FMNL2: variants seen among roughly 807,000 people sequenced by gnomAD.
FMNL2 encodes formin-like protein 2.
Under a neutral mutation model 130.2 loss-of-function variants are expected in FMNL2, and 51 were observed. The ratio of observed to expected loss-of-function variants is 0.39; its 90% CI spans 0.31 to 0.49. The LOEUF is 0.49. Ranked by LOEUF, FMNL2 falls within the 20% of genes least tolerant of loss-of-function variation. The pLI, the probability that FMNL2 is intolerant of heterozygous loss-of-function variation, is 0.85. For synonymous variants in FMNL2, 465 were observed against 467.1 expected, an observed-to-expected ratio of 1.00 and a Z score of 0.06; for missense variants, 977 against 1,316.2, an observed-to-expected ratio of 0.74 and a Z score of 3.99.
At chr2:152,646,588 G>A (rs974057503) in intron 25 of FMNL2, among the ~76,000 whole-genome samples, 3 of 149,530 alleles carry the variant, frequency 2.0e-5, no homozygotes, top group Non-Finnish European at 4.4e-5. Flanking sequence ...TGTGCGGGGG[G>A]TGGGGGGGCA....
chr2:152,377,110 G>A (rs1372231464), intron 1 of FMNL2, among the ~76,000 whole-genome samples: 1 of 152,200 alleles, frequency 6.6e-6, no homozygotes, highest in Non-Finnish European at 1.5e-5. Flanking sequence ...ATTGTGGCAG[G>A]GATGAAATAT....
intron 25 of FMNL2, among the ~76,000 whole-genome samples, chr2:152,647,435 A>G (rs1430031874): frequency 6.6e-6 from 1 of 152,208 alleles, no homozygotes; most frequent in Non-Finnish European, 1.5e-5. Context: ...TGCAGTTACT[A>G]TTTATTCATT....
At chr2:152,434,027 C>T (rs374340169) in intron 1 of FMNL2, among the ~76,000 whole-genome samples, 86 of 152,236 alleles carry the variant, frequency 5.6e-4, no homozygotes, top group African/African-American at 1.9e-3. Context: ...TGAGTAGAAA[C>T]AGAAGGACAT....
chr2:152,623,367 C>T (rs562833145), intron 15 of FMNL2, among the ~76,000 whole-genome samples: 12 of 152,236 alleles, frequency 7.9e-5, no homozygotes, highest in East Asian at 3.9e-4. Flanking sequence ...TCCTGGGTAG[C>T]GTAGACAAAA....
intron 1 of FMNL2, among the ~76,000 whole-genome samples, chr2:152,392,105 C>T (rs1183784048): frequency 1.3e-5 from 2 of 151,978 alleles, no homozygotes; most frequent in African/African-American, 2.4e-5. Context: ...TCTACCTACC[C>T]AACATGGTAG....
At chr2:152,370,727 C>T (rs1438050519) in intron 1 of FMNL2, among the ~76,000 whole-genome samples, 3 of 152,166 alleles carry the variant, frequency 2.0e-5, no homozygotes, top group African/African-American at 7.2e-5. Flanking sequence ...GGAAATGCCA[C>T]ACTTTTATTT....
intron 1 of FMNL2, among the ~76,000 whole-genome samples, chr2:152,396,095 C>T (rs990245327): frequency 6.6e-6 from 1 of 152,150 alleles, no homozygotes; most frequent in Non-Finnish European, 1.5e-5. Context: ...TGTTTAATCA[C>T]GGCATTTCTG....
chr2:152,389,467 A>G (rs1404902516), intron 1 of FMNL2, among the ~76,000 whole-genome samples: 1 of 152,214 alleles, frequency 6.6e-6, no homozygotes, highest in East Asian at 1.9e-4. Flanking sequence ...TTAGGTTTCA[A>G]CCTATGAATT....
chr2:152,641,034 T>C lies in FMNL2; in HGVS notation c.3169+120T>C, dbSNP rs906684351. 6 of 1,311,310 alleles carry C rather than the reference T, an allele frequency of 4.6e-6. No individual in the cohort carries two copies. In the African/African-American group the frequency reaches 7.4e-5, roughly 16 times the overall value. The allele number at this position is 1,311,310 out of a possible 1,614,324, so 81.2% of individuals were successfully genotyped here. On this transcript the variant is annotated intron_variant, in intron 25 of 25. Transcript: ENST00000288670. ...TTGTCAAGTTCATTAGTTGACTTTA[T>C]TCACACCCAGAGTGATGCAGAGAGG...
At position 152,479,718 on chromosome 2, in the gene FMNL2, G is replaced by GTTTT. The variant is rs749726414; in HGVS notation, c.118-42205_118-42202dup. On this transcript the variant is annotated intron_variant, in intron 1 of 25. Transcript: ENST00000288670. ...GATGGATTCATGGATGTTGTGGGTT[G>GTTTT]TTTTTTTTTTTTTTTTTTTTTTTAC... Among the ~76,000 whole-genome samples, 26 of 96,710 alleles carry GTTTT rather than the reference G, an allele frequency of 2.7e-4. 1 individual carries two copies. Among genetic ancestry groups the GTTTT allele is most frequent in the Non-Finnish European group, 3.2e-4 (15 of 47,496 alleles). The allele number at this position is 96,710 out of a possible 152,430, so 63.4% of individuals were successfully genotyped here. A position where few individuals can be genotyped will look rare whatever the true frequency, so the allele number is the denominator to read the frequency against.
rs2105694486 is a variant in FMNL2 at position 152,335,297 on chromosome 2, C to T, written c.-307C>T. ...GACCACGCGCCGGGGGCCGCGATCT[C>T]TGGCAGGGGGCGGTGTGCCAGCGGA... is the stretch of plus-strand genomic sequence containing the variant. On this transcript the variant is annotated 5_prime_UTR_variant, in exon 1 of 26. Transcript: ENST00000288670. 5.7e-6 allele frequency: 1 copy of T among 174,384 alleles called. No homozygotes were observed. Among genetic ancestry groups the T allele is most frequent in the East Asian group, 1.5e-4 (1 of 6,488 alleles). 10.8% of individuals were successfully genotyped at this position (174,384 alleles called of 1,614,324 possible). A position where few individuals can be genotyped will look rare whatever the true frequency, so the allele number is the denominator to read the frequency against.
intron 1 of FMNL2, among the ~76,000 whole-genome samples, chr2:152,513,129 A>G (rs936136274): frequency 7.2e-5 from 11 of 152,344 alleles, no homozygotes; most frequent in Admixed American, 6.5e-4. Flanking sequence ...ATTGATATAC[A>G]GTTTTGTGTT....
Position 152,648,181 on chromosome 2 carries a change from G to A in FMNL2, c.*276G>A, listed in dbSNP as rs987439446. Reference sequence around the variant, plus strand: ...CCAGTATGTTATTTTTAACCAAAATGTAAAGTTCTTATTAAACTCATTACC... The same window carrying A: ...CCAGTATGTTATTTTTAACCAAAATATAAAGTTCTTATTAAACTCATTACC... On this transcript the variant is annotated 3_prime_UTR_variant, in exon 26 of 26. Coordinates refer to ENST00000288670, the MANE Select transcript of FMNL2 (RefSeq NM_052905.4). 50 of 363,242 alleles carry A rather than the reference G, an allele frequency of 1.4e-4. 1 individual carries two copies. The East Asian group carries it at 2.5e-3, about 18-fold the overall frequency. 22.5% of individuals were successfully genotyped at this position (363,242 alleles called of 1,614,324 possible). A position where few individuals can be genotyped will look rare whatever the true frequency, so the allele number is the denominator to read the frequency against.
chr2:152,536,549 C>T (rs906048633), intron 2 of FMNL2, among the ~76,000 whole-genome samples: 1 of 152,194 alleles, frequency 6.6e-6, no homozygotes, highest in African/African-American at 2.4e-5. Context: ...TTGTTACTAT[C>T]TAAAATGAAT....
chr2:152,560,767 A>G lies in FMNL2; in HGVS notation c.444-116A>G, dbSNP rs75451378. On this transcript the variant is annotated intron_variant, in intron 5 of 25. Transcript: ENST00000288670. ...TTCCTTTCCAGTTTTCTTTGTTTAC[A>G]AAGACTTTCCATACTAAGGTGCAGA... 14,410 of 939,610 alleles carry G rather than the reference A, an allele frequency of 0.015. 811 individuals carry two copies. In the East Asian group the frequency reaches 0.19, roughly 13 times the overall value. The allele number at this position is 939,610 out of a possible 1,614,324, so 58.2% of individuals were successfully genotyped here. A position where few individuals can be genotyped will look rare whatever the true frequency, so the allele number is the denominator to read the frequency against.
chr2:152,575,341 C>A (rs1696415079), intron 7 of FMNL2, 97 bp downstream of exon 7: 3 of 639,464 alleles, frequency 4.7e-6, no homozygotes, highest in South Asian at 5.9e-5. Flanking sequence ...GCGAAGGGTA[C>A]AATAAAAGCC....
chr2:152,589,370 A>G (rs1316779791), intron 9 of FMNL2, among the ~76,000 whole-genome samples: 1 of 152,148 alleles, frequency 6.6e-6, no homozygotes, highest in Non-Finnish European at 1.5e-5. Flanking sequence ...CTGCCGTGTT[A>G]TTTCTATTCC....
At chr2:152,399,746 A>G (rs1642098012) in intron 1 of FMNL2, among the ~76,000 whole-genome samples, 1 of 152,182 alleles carries the variant, frequency 6.6e-6, no homozygotes, top group African/African-American at 2.4e-5. Flanking sequence ...TTTGCAATCG[A>G]TTCGATTGAG....
intron 6 of FMNL2, among the ~76,000 whole-genome samples, chr2:152,562,616 T>C (rs959488781): frequency 3.3e-5 from 5 of 152,230 alleles, no homozygotes; most frequent in African/African-American, 1.2e-4. Flanking sequence ...ATGAATTGAT[T>C]CAATATTAAG....
Sources: allele counts gnomAD v4.1 joint callset (sites outside exome capture counted in the v4.1 genomes callset), GRCh38; gene constraint gnomAD v4.1.1; transcripts MANE v1.5; gene names NCBI Gene and HGNC (gene_info 2026-07-23, HGNC 2026-07-21).